Variants in TET2 observed in about 807,000 individuals in gnomAD.
TET2 encodes tet methylcytosine dioxygenase 2.
In TET2, 299 loss-of-function variants were observed where a neutral mutation model predicts 142.9. The observed-to-expected ratio is 2.09, with a 90% CI of 1.90 to 2.30. The LOEUF is 2.30. Ranked by LOEUF, TET2 falls within the 30% of genes most tolerant of loss-of-function variation. The probability of loss-of-function intolerance (pLI) is 0.00; values close to 1 mark genes in which losing one functional copy is unlikely to be tolerated. For missense variants in TET2, 2,418 were observed against 2,378.0 expected, an observed-to-expected ratio of 1.02 and a Z score of -0.35; for synonymous variants, 819 against 849.0, an observed-to-expected ratio of 0.96 and a Z score of 0.61.
chr4:105,261,037 T>C (rs1339981566), intron 7 of TET2, among the ~76,000 whole-genome samples: 13 of 152,088 alleles, frequency 8.5e-5, no homozygotes, highest in Admixed American at 8.5e-4. Flanking sequence ...CCTTCTAAAA[T>C]TTACATCTCT....
chr4:105,266,712 T>TAAAG (rs1318080402), intron 8 of TET2, among the ~76,000 whole-genome samples: 3 of 151,822 alleles, frequency 2.0e-5, no homozygotes, highest in African/African-American at 7.3e-5. Context: ...TTTTTCAGTA[T>TAAAG]AAAGAAAAAA....
intron 4 of TET2, chr4:105,242,321 G>T (rs1385678314): frequency 1.9e-6 from 2 of 1,078,044 alleles, no homozygotes; most frequent in African/African-American, 3.3e-5. Context: ...TGGTGCTTTG[G>T]TCATAAGGGA....
At chr4:105,180,642 A>AT (rs112365489) in intron 1 of TET2, among the ~76,000 whole-genome samples, 6,048 of 146,736 alleles carry the variant, frequency 0.041, 416 homozygotes, top group African/African-American at 0.14. Flanking sequence ...CCATTTTATC[A>AT]TTTTTTTTTT....
intron 9 of TET2, among the ~76,000 whole-genome samples, 166 bp downstream of exon 9, chr4:105,269,913 A>G (rs982762218): frequency 6.6e-6 from 1 of 152,270 alleles, no homozygotes; most frequent in Non-Finnish European, 1.5e-5. Context: ...AATGAGGAGC[A>G]AAGTCACATC....
chr4:105,258,729 A>G (rs1007890458), intron 6 of TET2, among the ~76,000 whole-genome samples: 1 of 152,160 alleles, frequency 6.6e-6, no homozygotes, highest in Non-Finnish European at 1.5e-5. Context: ...TTATATCACA[A>G]TATACATACA....
intron 1 of TET2, among the ~76,000 whole-genome samples, chr4:105,176,341 G>T (rs1724793999): frequency 6.6e-6 from 1 of 152,122 alleles, no homozygotes; most frequent in Non-Finnish European, 1.5e-5. Context: ...TCCGGAGGAA[G>T]AAATCAAACT....
chr4:105,235,652 T>C lies in TET2; in HGVS notation c.1710T>C (p.Pro570=). Residue 570 remains proline, a synonymous_variant, in exon 3 of 11, where the codon CCT becomes CCC. Transcript: ENST00000380013. The part of the protein sequence containing the change: ...LKPGWIELKA[P]RFHQAESHLK... Reference sequence around the variant, plus strand: ...CAGGATGGATTGAATTGAAGGCCCCTCGTTTTCACCAAGCGGAATCCCATC... The same window carrying C: ...CAGGATGGATTGAATTGAAGGCCCCCCGTTTTCACCAAGCGGAATCCCATC... The C allele has an allele frequency of 6.2e-7, 1 of 1,614,132 alleles. No homozygotes were observed. The highest frequency in any genetic ancestry group is 8.5e-7 in the Non-Finnish European group (1 of 1,180,008).
intron 6 of TET2, among the ~76,000 whole-genome samples, chr4:105,252,669 G>C (rs1339679766): frequency 6.6e-6 from 1 of 152,144 alleles, no homozygotes; most frequent in African/African-American, 2.4e-5. Flanking sequence ...TAGGTTATCA[G>C]TTAATTCATG....
At chr4:105,237,692 A>C in intron 3 of TET2, 1 of 1,316,096 alleles carries the variant, frequency 7.6e-7, no homozygotes, top group Non-Finnish European at 9.8e-7. Context: ...CTAGGCAGCA[A>C]AAAAACAATC....
intron 2 of TET2, among the ~76,000 whole-genome samples, chr4:105,218,894 A>C (rs1420144777): frequency 6.6e-6 from 1 of 151,918 alleles, no homozygotes; most frequent in Non-Finnish European, 1.5e-5. Flanking sequence ...TATTTTGATA[A>C]TCTAAAACAT....
intron 2 of TET2, among the ~76,000 whole-genome samples, chr4:105,222,881 T>A (rs549671863): frequency 4.5e-4 from 69 of 152,312 alleles, no homozygotes; most frequent in African/African-American, 1.5e-3. Flanking sequence ...CCATCTTGAA[T>A]TGATTTTTGT....
intron 1 of TET2, among the ~76,000 whole-genome samples, chr4:105,180,537 A>G (rs770996759): frequency 6.6e-6 from 1 of 152,210 alleles, no homozygotes; most frequent in Non-Finnish European, 1.5e-5. Flanking sequence ...TACTGCATTT[A>G]GAATCTCATG....
At chr4:105,213,452 T>TATTCA (rs1395210810) in intron 2 of TET2, among the ~76,000 whole-genome samples, 2 of 152,226 alleles carry the variant, frequency 1.3e-5, no homozygotes, top group Non-Finnish European at 2.9e-5. Context: ...AAAGTAGCCT[T>TATTCA]ATTCAAAATG....
chr4:105,204,154 C>T (rs1232490191), intron 2 of TET2, among the ~76,000 whole-genome samples: 1 of 150,560 alleles, frequency 6.6e-6, no homozygotes, highest in East Asian at 2.0e-4. Context: ...GTTGAGTTCG[C>T]GTCACTGCAT....
chr4:105,259,504 A>G, intron 6 of TET2, 115 bp from the exon 7 acceptor site: 2 of 985,268 alleles, frequency 2.0e-6, no homozygotes, highest in Non-Finnish European at 2.9e-6. Context: ...AGCTTAATAC[A>G]GAGTTAGATT....
chr4:105,191,711 C>T (rs1027709840), intron 2 of TET2, among the ~76,000 whole-genome samples: 6 of 152,072 alleles, frequency 3.9e-5, no homozygotes, highest in African/African-American at 1.4e-4. Flanking sequence ...AAATCCTTTC[C>T]AGTGTGTCCT....
intron 3 of TET2, chr4:105,237,725 C>T (rs1729041539): frequency 2.4e-6 from 3 of 1,244,878 alleles, no homozygotes; most frequent in South Asian, 4.1e-5. Context: ...AAAATAACGA[C>T]CATAGGCAGT....
At chr4:105,205,462 C>A (rs1196370126) in intron 2 of TET2, among the ~76,000 whole-genome samples, 2 of 151,956 alleles carry the variant, frequency 1.3e-5, no homozygotes. Context: ...AAAGTGTGTT[C>A]TTCTACTATT....
chr4:105,257,225 G>C (rs941091364), intron 6 of TET2, among the ~76,000 whole-genome samples: 1 of 152,100 alleles, frequency 6.6e-6, no homozygotes, highest in Non-Finnish European at 1.5e-5. Context: ...CTTAAGCCCA[G>C]GAGTTCAAGA....
Sources: allele counts gnomAD v4.1 joint callset (sites outside exome capture counted in the v4.1 genomes callset), GRCh38; gene constraint gnomAD v4.1.1; transcripts MANE v1.5; gene names NCBI Gene and HGNC (gene_info 2026-07-23, HGNC 2026-07-21).